WDFY1: variants seen among roughly 807,000 people sequenced by gnomAD.
WDFY1 encodes WD repeat and FYVE domain containing 1.
In WDFY1, 32 loss-of-function variants were observed where a neutral mutation model predicts 56.4. That is an observed-to-expected ratio of 0.57 (90% CI 0.43 to 0.76). The LOEUF is 0.76. WDFY1 is among the 30% of genes least tolerant of loss of function. WDFY1 has a pLI of 0.00. For synonymous variants in WDFY1, 192 were observed against 197.3 expected, an observed-to-expected ratio of 0.97 and a Z score of 0.23; for missense variants, 480 against 545.7, an observed-to-expected ratio of 0.88 and a Z score of 1.20.
chr2:223,900,442 T>C (rs971901025), intron 5 of WDFY1, among the ~76,000 whole-genome samples: 2 of 152,212 alleles, frequency 1.3e-5, no homozygotes, highest in African/African-American at 4.8e-5. Flanking sequence ...CTGCGGGGTG[T>C]CTGCCTGTTG....
intron 1 of WDFY1, among the ~76,000 whole-genome samples, chr2:223,919,221 T>G (rs1474861897): frequency 6.6e-6 from 1 of 152,164 alleles, no homozygotes; most frequent in Non-Finnish European, 1.5e-5. Flanking sequence ...CATTCATTAT[T>G]TATTTATGGG....
In WDFY1 at chr2:223,882,020, C is replaced by A; in HGVS notation, c.986G>T (p.Arg329Leu). ...QAVCGKCSSK[R>L]SSYPVMGFEF... ...GAAGCCCATGACTGGGTAACTTGAG[C>A]GCTTGCTGCTGCACTTCCCGCAGAC... The change falls in exon 10 of 12, where the codon CGC (arginine) becomes CTC (leucine). Residue 329 changes from arginine to leucine, a missense_variant. Coordinates refer to ENST00000233055, the MANE Select transcript of WDFY1 (RefSeq NM_020830.5). 1 of 1,614,040 alleles carries A rather than the reference C, an allele frequency of 6.2e-7. No individual in the cohort carries two copies. Among genetic ancestry groups the A allele is most frequent in the Non-Finnish European group, 8.5e-7 (1 of 1,179,950 alleles).
At position 223,878,608 on chromosome 2, in the gene WDFY1, G is replaced by A. The variant is rs548557683; in HGVS notation, c.*63C>T. The A allele has an allele frequency of 5.5e-5, 71 of 1,283,640 alleles. No homozygotes were observed. In the Admixed American group the frequency reaches 7.4e-4, roughly 13 times the overall value. 79.5% of individuals were successfully genotyped at this position (1,283,640 alleles called of 1,614,324 possible). A position where few individuals can be genotyped will look rare whatever the true frequency, so the allele number is the denominator to read the frequency against. Reference sequence around the variant, plus strand: ...TCACGAGACAGCGCTGTGGAGCTGCGTGAGAGGGACTTCATTTGGTGGAGC... The same window carrying A: ...TCACGAGACAGCGCTGTGGAGCTGCATGAGAGGGACTTCATTTGGTGGAGC... On this transcript the variant is annotated 3_prime_UTR_variant, in exon 12 of 12. Transcript: ENST00000233055.
intron 8 of WDFY1, among the ~76,000 whole-genome samples, chr2:223,886,729 T>TTAA (rs1553535494): frequency 0.028 from 2,666 of 95,614 alleles, 125 homozygotes; most frequent in African/African-American, 0.1. Context: ...AAACTCCGTC[T>TTAA]AAAAAAAAAA....
intron 8 of WDFY1, among the ~76,000 whole-genome samples, chr2:223,890,535 C>T (rs879746249): frequency 6.6e-6 from 1 of 152,172 alleles, no homozygotes; most frequent in Non-Finnish European, 1.5e-5. Context: ...TCACTTAATA[C>T]TCAGAATATA....
intron 1 of WDFY1, among the ~76,000 whole-genome samples, chr2:223,918,502 G>A (rs1443107541): frequency 6.6e-6 from 1 of 151,908 alleles, no homozygotes; most frequent in African/African-American, 2.4e-5. Flanking sequence ...ATGGTGGCGG[G>A]CACCTGTAGT....
intron 2 of WDFY1, among the ~76,000 whole-genome samples, chr2:223,915,033 GAACT>G (rs1693764558): frequency 6.6e-6 from 1 of 152,196 alleles, no homozygotes; most frequent in South Asian, 2.1e-4. Flanking sequence ...ATAGCTTTTA[GAACT>G]AACATGGCAT....
chr2:223,900,435 C>T (rs373997841), intron 5 of WDFY1, among the ~76,000 whole-genome samples: 96 of 152,244 alleles, frequency 6.3e-4, no homozygotes, highest in African/African-American at 9.4e-4. Context: ...GAAACTACTG[C>T]GGGGTGTCTG....
At chr2:223,889,334 G>C (rs1029692254) in intron 8 of WDFY1, among the ~76,000 whole-genome samples, 1 of 152,156 alleles carries the variant, frequency 6.6e-6, no homozygotes, top group African/African-American at 2.4e-5. Flanking sequence ...AGTGTCCTCA[G>C]GCACGTGACT....
intron 8 of WDFY1, among the ~76,000 whole-genome samples, chr2:223,893,254 T>C (rs1234084277): frequency 1.3e-5 from 2 of 151,630 alleles, no homozygotes; most frequent in African/African-American, 2.4e-5. Flanking sequence ...CAGTGCCTCA[T>C]GCCTATAATC....
chr2:223,915,721 C>T (rs1260732643), intron 2 of WDFY1, among the ~76,000 whole-genome samples: 1 of 152,204 alleles, frequency 6.6e-6, no homozygotes, highest in Non-Finnish European at 1.5e-5. Flanking sequence ...CTACTTCCAA[C>T]TCTCAGATCT....
rs114771595 is a variant in WDFY1 at position 223,889,707 on chromosome 2, T to C, written c.831+4527A>G. Among the ~76,000 whole-genome samples, 1,097 of 152,324 alleles carry C rather than the reference T, an allele frequency of 7.2e-3. 17 individuals carry two copies. Among genetic ancestry groups the C allele is most frequent in the African/African-American group, 0.025 (1,058 of 41,572 alleles). On this transcript the variant is annotated intron_variant, in intron 8 of 11. Coordinates refer to ENST00000233055, the MANE Select transcript of WDFY1 (RefSeq NM_020830.5). ...TTACCCAGTCTCAGGCATATCTTTA[T>C]TAGCAGCCTGAGAATGGACTAATAC...
intron 5 of WDFY1, 189 bp downstream of exon 5, chr2:223,900,994 G>T (rs922367017): frequency 1.9e-5 from 12 of 635,570 alleles, no homozygotes; most frequent in Non-Finnish European, 3.1e-5. Flanking sequence ...TATGTATTAG[G>T]TTGGTGCAAA....
chr2:223,899,224 A>C, intron 5 of WDFY1, 154 bp from the exon 6 acceptor site: 1 of 567,742 alleles, frequency 1.8e-6, no homozygotes, highest in East Asian at 2.8e-5. Flanking sequence ...AAGAAAGGAA[A>C]CACCCAACTG....
intron 1 of WDFY1, among the ~76,000 whole-genome samples, chr2:223,938,183 T>C (rs1040677820): frequency 3.3e-5 from 5 of 152,238 alleles, no homozygotes; most frequent in Non-Finnish European, 7.3e-5. Flanking sequence ...TTGAGTTTCC[T>C]GCAGAAACCA....
chr2:223,942,419 C>T (rs1049596519), intron 1 of WDFY1, among the ~76,000 whole-genome samples: 3 of 151,358 alleles, frequency 2.0e-5, no homozygotes, highest in African/African-American at 7.3e-5. Flanking sequence ...TGGGTTTCGC[C>T]GTGTTAGCCA....
At chr2:223,925,522 T>C (rs892552258) in intron 1 of WDFY1, among the ~76,000 whole-genome samples, 6 of 152,212 alleles carry the variant, frequency 3.9e-5, no homozygotes, top group African/African-American at 1.2e-4. Flanking sequence ...TGCTGATCCA[T>C]CAGGATGGTT....
chr2:223,917,992 C>T lies in WDFY1; in HGVS notation c.156G>A (p.Leu52=). 6.2e-7 allele frequency: 1 copy of T among 1,614,090 alleles called. No individual in the cohort carries two copies. Among genetic ancestry groups the T allele is most frequent in the African/African-American group, 1.3e-5 (1 of 75,028 alleles). Residue 52 remains leucine, a synonymous_variant, in exon 2 of 12, where the codon CTG becomes CTA. Transcript: ENST00000233055. Reference sequence around the variant, plus strand: ...GCCAGTATTGACCACTGTCTCTTTTCAGCCATACCCGGATGGTTCTGTGGA... The same window carrying T: ...GCCAGTATTGACCACTGTCTCTTTTTAGCCATACCCGGATGGTTCTGTGGA... ...ASEDRTIRVW[L]KRDSGQYWPS...
chr2:223,906,101 A>T, intron 3 of WDFY1, 100 bp from the exon 4 acceptor site: 1 of 910,860 alleles, frequency 1.1e-6, no homozygotes, highest in South Asian at 1.8e-5. Flanking sequence ...AAAAATGATT[A>T]TCACAAGACC....
Sources: allele counts gnomAD v4.1 joint callset (sites outside exome capture counted in the v4.1 genomes callset), GRCh38; gene constraint gnomAD v4.1.1; transcripts MANE v1.5; gene names NCBI Gene and HGNC (gene_info 2026-07-23, HGNC 2026-07-21).